Variants in FAT3 observed in about 807,000 individuals in gnomAD.
FAT3 encodes the protein FAT atypical cadherin 3, also known as protocadherin Fat 3.
FAT3 carries 95 observed loss-of-function variants against 310.2 expected under a neutral mutation model. The observed-to-expected ratio is 0.31, with a 90% CI of 0.26 to 0.36. The LOEUF (loss-of-function observed/expected upper bound fraction) is 0.36, where lower values mean the gene tolerates loss of function less well. Among genes scored for constraint, FAT3 ranks in the 10% least tolerant of loss-of-function variants. The probability of loss-of-function intolerance (pLI) is 1.00; values close to 1 mark genes in which losing one functional copy is unlikely to be tolerated. For missense variants in FAT3, 5,408 were observed against 5,715.6 expected (o/e 0.95, Z 1.74); for synonymous variants, 2,314 against 2,192.9 (o/e 1.06, Z -1.54).
chr11:92,722,204 A>G (rs1944880765), intron 4 of FAT3, among the ~76,000 whole-genome samples: 1 of 151,892 alleles, frequency 6.6e-6, no homozygotes, highest in Admixed American at 6.5e-5. Context: ...TCTAGATATA[A>G]TGGCAGTATA....
chr11:92,259,989 C>T (rs1378370981), intron 1 of FAT3, among the ~76,000 whole-genome samples: 3 of 152,068 alleles, frequency 2.0e-5, no homozygotes, highest in Non-Finnish European at 4.4e-5. Context: ...TTTTACTTAC[C>T]AGGGAGAGGA....
At chr11:92,387,666 G>A (rs1425455732) in intron 2 of FAT3, among the ~76,000 whole-genome samples, 1 of 152,100 alleles carries the variant, frequency 6.6e-6, no homozygotes, top group Non-Finnish European at 1.5e-5. Context: ...TGGTGTGCAT[G>A]GAATGGTGAG....
chr11:92,867,226 A>C lies in FAT3; in HGVS notation c.12127+17A>C. Reference sequence around the variant, plus strand: ...CATCGGGGGGTGAGTGTGGCTACGCAGTGGGCACTGGCCTGGGGGTTTGAG... The same window carrying C: ...CATCGGGGGGTGAGTGTGGCTACGCCGTGGGCACTGGCCTGGGGGTTTGAG... On this transcript the variant is annotated intron_variant, in intron 22 of 27. Transcript: ENST00000525166. The C allele has an allele frequency of 6.5e-7, 1 of 1,543,674 alleles. No homozygotes were observed. Among genetic ancestry groups the C allele is most frequent in the Non-Finnish European group, 8.7e-7 (1 of 1,149,820 alleles).
At chr11:92,597,411 G>C (rs1275452850) in intron 3 of FAT3, among the ~76,000 whole-genome samples, 2 of 152,196 alleles carry the variant, frequency 1.3e-5, no homozygotes, top group Non-Finnish European at 2.9e-5. Context: ...CCAATGAACG[G>C]ACAGTCACGA....
chr11:92,572,222 G>A (rs1938205229), intron 3 of FAT3, among the ~76,000 whole-genome samples: 1 of 152,100 alleles, frequency 6.6e-6, no homozygotes, highest in Non-Finnish European at 1.5e-5. Flanking sequence ...TGATCTTACT[G>A]GGGGACCTAT....
At chr11:92,589,216 G>A (rs2135554288) in intron 3 of FAT3, among the ~76,000 whole-genome samples, 1 of 152,176 alleles carries the variant, frequency 6.6e-6, no homozygotes, top group South Asian at 2.1e-4. Flanking sequence ...AAGTGACCTG[G>A]AAGTCACATT....
intron 1 of FAT3, among the ~76,000 whole-genome samples, chr11:92,288,989 G>T (rs1375683635): frequency 6.6e-6 from 1 of 152,094 alleles, no homozygotes; most frequent in Non-Finnish European, 1.5e-5. Flanking sequence ...AACTGCTGGA[G>T]CCTAAACAAT....
At chr11:92,457,407 G>A (rs749002916) in intron 2 of FAT3, among the ~76,000 whole-genome samples, 1 of 152,120 alleles carries the variant, frequency 6.6e-6, no homozygotes, top group Non-Finnish European at 1.5e-5. Flanking sequence ...CAGTGCAGTT[G>A]CAGGCTTGTA....
At chr11:92,878,960 C>T (rs1174616756) in intron 22 of FAT3, among the ~76,000 whole-genome samples, 1 of 151,656 alleles carries the variant, frequency 6.6e-6, no homozygotes, top group African/African-American at 2.4e-5. Context: ...ACTGAGTATC[C>T]AGTATTGGCT....
intron 2 of FAT3, among the ~76,000 whole-genome samples, chr11:92,417,042 A>C (rs1950432338): frequency 6.6e-6 from 1 of 152,138 alleles, no homozygotes; most frequent in African/African-American, 2.4e-5. Context: ...AAGGATAATG[A>C]AGGTATTGAG....
At chr11:92,460,333 A>G (rs956643183) in intron 2 of FAT3, among the ~76,000 whole-genome samples, 1 of 152,216 alleles carries the variant, frequency 6.6e-6, no homozygotes, top group African/African-American at 2.4e-5. Flanking sequence ...CATCTGGGAA[A>G]TCAGGTCTCT....
intron 1 of FAT3, among the ~76,000 whole-genome samples, chr11:92,300,509 G>T (rs1172127591): frequency 6.6e-6 from 1 of 152,108 alleles, no homozygotes; most frequent in African/African-American, 2.4e-5. Context: ...TGTTTCCTCT[G>T]TCTGGAATAC....
At chr11:92,402,726 C>G (rs1052868172) in intron 2 of FAT3, among the ~76,000 whole-genome samples, 1 of 146,598 alleles carries the variant, frequency 6.8e-6, no homozygotes, top group Non-Finnish European at 1.5e-5. Flanking sequence ...AGTGAGACCC[C>G]CTCTCAAAAA....
At chr11:92,234,527 G>A (rs1864328421) in intron 1 of FAT3, among the ~76,000 whole-genome samples, 2 of 152,168 alleles carry the variant, frequency 1.3e-5, no homozygotes, top group Admixed American at 6.5e-5. Flanking sequence ...AGCACTTTGG[G>A]AGGCTGAGGC....
At chr11:92,278,265 C>G (rs758370884) in intron 1 of FAT3, among the ~76,000 whole-genome samples, 2 of 152,108 alleles carry the variant, frequency 1.3e-5, no homozygotes, top group Non-Finnish European at 2.9e-5. Flanking sequence ...AATTAATCAA[C>G]TATTAGGGAG....
At chr11:92,864,268 A>AC (rs1949184558) in intron 21 of FAT3, among the ~76,000 whole-genome samples, 1 of 152,204 alleles carries the variant, frequency 6.6e-6, no homozygotes, top group Non-Finnish European at 1.5e-5. Flanking sequence ...AAACTTAGAT[A>AC]AATTGCACTC....
chr11:92,491,264 G>A (rs1342988539), intron 2 of FAT3, among the ~76,000 whole-genome samples: 1 of 152,026 alleles, frequency 6.6e-6, no homozygotes, highest in Non-Finnish European at 1.5e-5. Context: ...AAGGGACATT[G>A]GCCTATATCT....
chr11:92,798,070 T>G lies in FAT3; in HGVS notation c.5057T>G (p.Ile1686Ser), dbSNP rs1383027509. The change falls in exon 10 of 28, where the codon ATT (isoleucine) becomes AGT (serine). Residue 1686 changes from isoleucine to serine, a missense_variant. Physicochemically the swap from Ile to Ser is moderately radical, Grantham distance 142. This residue lies in a region of FAT3 where 4,588 missense variants were observed against 4,809.8 expected (regional missense o/e 0.95). Coordinates refer to ENST00000525166, the MANE Select transcript of FAT3 (RefSeq NM_001367949.2). Reference protein sequence around the residue: ...YQAEVNENVDIGTSVILISAI... With the variant: ...YQAEVNENVDSGTSVILISAI... ...GCAGAAGTAAATGAAAATGTTGACA[T>G]TGGAACATCAGTCATTCTAATCTCT... 2.5e-6 allele frequency: 4 copies of G among 1,613,890 alleles called. No homozygotes were observed. The highest frequency in any genetic ancestry group is 1.7e-5 in the Admixed American group (1 of 60,004).
chr11:92,430,198 G>C (rs1263016784), intron 2 of FAT3, among the ~76,000 whole-genome samples: 6 of 152,136 alleles, frequency 3.9e-5, no homozygotes, highest in African/African-American at 1.4e-4. Context: ...GCTTCACAAA[G>C]TCCTCATGCT....
Sources: allele counts gnomAD v4.1 joint callset (sites outside exome capture counted in the v4.1 genomes callset), GRCh38; gene constraint gnomAD v4.1.1; regional missense constraint gnomAD v4.1.1; transcripts MANE v1.5; gene names NCBI Gene and HGNC (gene_info 2026-07-23, HGNC 2026-07-21).